The following SNTG1 variants were observed in gnomAD, a reference collection of about 807,000 sequenced individuals.
SNTG1 encodes syntrophin gamma 1.
Under a neutral mutation model 74.7 loss-of-function variants are expected in SNTG1, and 39 were observed. The observed-to-expected ratio is 0.52, with a 90% CI of 0.40 to 0.68. The LOEUF is 0.68. Ranked by LOEUF, SNTG1 falls within the 30% of genes least tolerant of loss-of-function variation. The pLI is 0.00. For missense variants in SNTG1, 685 were observed against 609.5 expected, an observed-to-expected ratio of 1.12 and a Z score of -1.30; for synonymous variants, 254 against 217.1, an observed-to-expected ratio of 1.17 and a Z score of -1.49.
chr8:50,219,221 A>G (rs1264522691), intron 2 of SNTG1, among the ~76,000 whole-genome samples: 1 of 152,188 alleles, frequency 6.6e-6, no homozygotes, highest in Non-Finnish European at 1.5e-5. Context: ...TTCTAATGCC[A>G]AAAGACCTAA....
intron 10 of SNTG1, among the ~76,000 whole-genome samples, chr8:50,532,573 A>G (rs931723141): frequency 6.6e-6 from 1 of 152,220 alleles, no homozygotes; most frequent in African/African-American, 2.4e-5. Flanking sequence ...CTCGCACGGG[A>G]GCATTAACCT....
In SNTG1 at chr8:50,216,530, C is replaced by T. The variant is rs370712770; in HGVS notation, c.-28+43895C>T. Among the ~76,000 whole-genome samples the T allele has an allele frequency of 5.3e-5, 8 of 152,160 alleles. 1 individual carries two copies. The South Asian group carries it at 1.4e-3, about 28-fold the overall frequency. ...AGACTTAGGGGATGAAAGCAGGTTG[C>T]TTCGAATCTATCACATCCTTTTGTT... On this transcript the variant is annotated intron_variant, in intron 2 of 18. Coordinates refer to ENST00000642720, the MANE Select transcript of SNTG1 (RefSeq NM_018967.5).
intron 9 of SNTG1, among the ~76,000 whole-genome samples, chr8:50,511,898 G>A (rs1239591960): frequency 6.6e-6 from 1 of 152,126 alleles, no homozygotes. Context: ...TTTAATTGGA[G>A]CATTTAGCCC....
intron 4 of SNTG1, among the ~76,000 whole-genome samples, chr8:50,419,325 A>G (rs1447060840): frequency 6.6e-6 from 1 of 152,210 alleles, no homozygotes; most frequent in Admixed American, 6.5e-5. Flanking sequence ...GGCCAAGTGG[A>G]AAACTTAGAC....
intron 2 of SNTG1, among the ~76,000 whole-genome samples, chr8:50,307,983 C>T (rs893795029): frequency 6.6e-6 from 1 of 151,888 alleles, no homozygotes; most frequent in African/African-American, 2.4e-5. Flanking sequence ...ATTTTTCTTA[C>T]TCCTTCAATG....
At chr8:50,661,687 G>C (rs1215110818) in intron 15 of SNTG1, among the ~76,000 whole-genome samples, 1 of 152,084 alleles carries the variant, frequency 6.6e-6, no homozygotes, top group East Asian at 1.9e-4. Context: ...TTGTCCTAAT[G>C]ATGTCTCTCC....
At chr8:50,447,822 G>A (rs1473051303) in intron 5 of SNTG1, among the ~76,000 whole-genome samples, 1 of 152,206 alleles carries the variant, frequency 6.6e-6, no homozygotes, top group Non-Finnish European at 1.5e-5. Flanking sequence ...ACAGATAAAA[G>A]GGGATTGGGA....
At chr8:50,413,069 C>T (rs941674520) in intron 4 of SNTG1, among the ~76,000 whole-genome samples, 30 of 152,292 alleles carry the variant, frequency 2.0e-4, no homozygotes, top group African/African-American at 7.0e-4. Context: ...GTGCCTGGTT[C>T]CACTGGCTTA....
chr8:50,077,061 C>A (rs1253541819), intron 1 of SNTG1, among the ~76,000 whole-genome samples: 1 of 152,156 alleles, frequency 6.6e-6, no homozygotes, highest in African/African-American at 2.4e-5. Context: ...TCTGGCTTAA[C>A]GTTCTATATT....
At chr8:50,701,800 C>CTCTTCT (rs879524606) in intron 15 of SNTG1, among the ~76,000 whole-genome samples, 7 of 142,804 alleles carry the variant, frequency 4.9e-5, no homozygotes, top group African/African-American at 1.6e-4. Flanking sequence ...CCTCCTCCTC[C>CTCTTCT]TCTTCTTCTT....
intron 1 of SNTG1, among the ~76,000 whole-genome samples, chr8:49,931,827 C>G (rs1001215602): frequency 3.3e-4 from 50 of 152,012 alleles, no homozygotes; most frequent in African/African-American, 1.2e-3. Context: ...AATGAAGTTT[C>G]AAAACTGGCA....
rs531042405 is a variant in SNTG1, at chr8:50,313,332, G to A, written c.-27-80880G>A. On this transcript the variant is annotated intron_variant, in intron 2 of 18. Coordinates refer to ENST00000642720, the MANE Select transcript of SNTG1 (RefSeq NM_018967.5). Reference sequence around the variant, plus strand: ...ACACAAATGGGGTTTCATCAAACTAGAAAGCTTCCGCACTGCAAAGGAAAC... The same window carrying A: ...ACACAAATGGGGTTTCATCAAACTAAAAAGCTTCCGCACTGCAAAGGAAAC... Among the ~76,000 whole-genome samples, 72 of 149,748 alleles carry A rather than the reference G, an allele frequency of 4.8e-4. 4 individuals are homozygous for A. In the Middle Eastern group the frequency reaches 0.01, roughly 21 times the overall value.
intron 11 of SNTG1, among the ~76,000 whole-genome samples, chr8:50,543,448 T>TTGTTGTTGTTGTTGC (rs2094363085): frequency 6.6e-6 from 1 of 151,660 alleles, no homozygotes; most frequent in Non-Finnish European, 1.5e-5. Flanking sequence ...TTTGTTGTTG[T>TTGTTGTTGTTGTTGC]TGTTGTTGTT....
chr8:49,922,644 T>A lies in SNTG1; in HGVS notation c.-103+10413T>A, dbSNP rs74651047. Among the ~76,000 whole-genome samples, 38 of 152,254 alleles carry A rather than the reference T, an allele frequency of 2.5e-4. No homozygotes were observed. The East Asian group carries it at 7.2e-3, about 29-fold the overall frequency. ...GTAGATAATGCTGTCAGCCATTATC[T>A]GGATGGAATTCCTATATCATCATCT... On this transcript the variant is annotated intron_variant, in intron 1 of 18. Coordinates refer to ENST00000642720, the MANE Select transcript of SNTG1 (RefSeq NM_018967.5).
intron 9 of SNTG1, among the ~76,000 whole-genome samples, chr8:50,513,430 C>T (rs1021950026): frequency 6.6e-6 from 1 of 152,222 alleles, no homozygotes; most frequent in African/African-American, 2.4e-5. Context: ...AGAACCACTG[C>T]TCTCTTCAAA....
chr8:50,081,502 T>A (rs1322056535), intron 1 of SNTG1, among the ~76,000 whole-genome samples: 1 of 152,204 alleles, frequency 6.6e-6, no homozygotes, highest in Non-Finnish European at 1.5e-5. Context: ...CCTGTACTAT[T>A]TTTCTGTCCC....
chr8:50,392,948 G>A (rs748983547), intron 2 of SNTG1, among the ~76,000 whole-genome samples: 2 of 152,012 alleles, frequency 1.3e-5, no homozygotes, highest in Non-Finnish European at 2.9e-5. Flanking sequence ...ATTGATTCCA[G>A]ACATCTCTTG....
At chr8:50,304,720 G>C (rs2089801638) in intron 2 of SNTG1, among the ~76,000 whole-genome samples, 1 of 152,096 alleles carries the variant, frequency 6.6e-6, no homozygotes, top group Admixed American at 6.5e-5. Context: ...TGTCTGAGCA[G>C]ATAGCTTTTT....
chr8:50,184,994 G>A (rs2083329856), intron 2 of SNTG1, among the ~76,000 whole-genome samples: 1 of 151,974 alleles, frequency 6.6e-6, no homozygotes, highest in Non-Finnish European at 1.5e-5. Context: ...TCTTATTCAA[G>A]GTTATACTTT....
Sources: allele counts gnomAD v4.1 joint callset (sites outside exome capture counted in the v4.1 genomes callset), GRCh38; gene constraint gnomAD v4.1.1; transcripts MANE v1.5; gene names NCBI Gene and HGNC (gene_info 2026-07-23, HGNC 2026-07-21).